The following TEX9 variants were observed in gnomAD, a reference collection of about 807,000 sequenced individuals.
TEX9 encodes the protein testis-expressed protein 9.
In TEX9, 74 loss-of-function variants were observed where a neutral mutation model predicts 59.6. The ratio of observed to expected loss-of-function variants is 1.24; its 90% CI spans 1.03 to 1.51. TEX9 has a LOEUF of 1.51. Ranked by LOEUF, TEX9 falls within the 40% of genes most tolerant of loss-of-function variation. TEX9 has a pLI of 0.00. For synonymous variants in TEX9, 186 were observed against 152.2 expected (o/e 1.22, Z -1.64); for missense variants, 522 against 447.8 (o/e 1.17, Z -1.49).
intron 10 of TEX9, among the ~76,000 whole-genome samples, chr15:56,420,410 C>T (rs1296437151): frequency 4.0e-5 from 6 of 151,424 alleles, no homozygotes; most frequent in African/African-American, 4.9e-5. Context: ...CAGGTTCAAG[C>T]GGTTCTCCTG....
the TEX9 span, among the ~76,000 whole-genome samples, chr15:56,451,082 A>G: frequency 6.6e-6 from 1 of 152,212 alleles, no homozygotes; most frequent in Non-Finnish European, 1.5e-5. Flanking sequence ...GGTTTTTAAA[A>G]TTATTGAATT....
chr15:56,277,045 A>G (rs1383763770), intron 1 of TEX9, among the ~76,000 whole-genome samples: 1 of 151,392 alleles, frequency 6.6e-6, no homozygotes, highest in Non-Finnish European at 1.5e-5. Context: ...TTTGTTTAAG[A>G]TCGTTGTAGA....
At chr15:56,433,706 C>A (rs2050663525) in intron 12 of TEX9, among the ~76,000 whole-genome samples, 1 of 152,126 alleles carries the variant, frequency 6.6e-6, no homozygotes, top group Non-Finnish European at 1.5e-5. Flanking sequence ...TCTTAATATA[C>A]AGCTTTTCAA....
chr15:56,399,927 G>C (rs2142429579), intron 9 of TEX9, among the ~76,000 whole-genome samples: 1 of 152,218 alleles, frequency 6.6e-6, no homozygotes, highest in South Asian at 2.1e-4. Flanking sequence ...CAAACAGAAA[G>C]GAATAGGATC....
At chr15:56,282,199 C>T (rs2044835195) in intron 1 of TEX9, among the ~76,000 whole-genome samples, 1 of 152,088 alleles carries the variant, frequency 6.6e-6, no homozygotes, top group Admixed American at 6.5e-5. Flanking sequence ...AAATATTTTT[C>T]TATTTGTAGA....
At chr15:56,285,489 T>G (rs2044932002) in intron 1 of TEX9, among the ~76,000 whole-genome samples, 1 of 152,184 alleles carries the variant, frequency 6.6e-6, no homozygotes, top group Admixed American at 6.5e-5. Context: ...GGGATTTGAC[T>G]TCTATCTCCA....
intron 12 of TEX9, among the ~76,000 whole-genome samples, chr15:56,437,692 G>T (rs1272347829): frequency 6.6e-6 from 1 of 152,198 alleles, no homozygotes; most frequent in South Asian, 2.1e-4. Flanking sequence ...GTTTGCAGAT[G>T]ACATGATTGT....
intron 1 of TEX9, among the ~76,000 whole-genome samples, chr15:56,305,973 A>G (rs1478538512): frequency 6.6e-6 from 1 of 152,220 alleles, no homozygotes; most frequent in Non-Finnish European, 1.5e-5. Flanking sequence ...GGAAATGTCA[A>G]CAGGCTTTTC....
At chr15:56,365,699 T>G in intron 2 of TEX9, 29 bp downstream of exon 2, 1 of 1,613,604 alleles carries the variant, frequency 6.2e-7, no homozygotes, top group Non-Finnish European at 8.5e-7. Flanking sequence ...GAACTTTTCC[T>G]TCTTTCTTTC....
Position 56,444,433 on chromosome 15 carries a change from G to C in TEX9, c.*30-1238G>C, listed in dbSNP as rs1311771922. The C allele has an allele frequency of 3.8e-6, 6 of 1,593,264 alleles. No homozygotes were observed. The South Asian group carries it at 6.9e-5, about 18-fold the overall frequency. On this transcript the variant is annotated intron_variant, in intron 12 of 12. Coordinates refer to ENST00000352903, the Ensembl canonical transcript of TEX9. ...ACATTTAGACATGTAAGAAAGTTAG[G>C]ATAAACTTACAACTGATCTTCTTCA...
intron 1 of TEX9, among the ~76,000 whole-genome samples, chr15:56,256,684 T>G (rs1405980381): frequency 1.3e-5 from 2 of 152,018 alleles, no homozygotes; most frequent in Admixed American, 1.3e-4. Flanking sequence ...CATTAGAAAT[T>G]AGAAGGGGAT....
chr15:56,370,890 C>T (rs1350493299), intron 2 of TEX9, among the ~76,000 whole-genome samples: 4 of 152,148 alleles, frequency 2.6e-5, no homozygotes, highest in Non-Finnish European at 5.9e-5. Flanking sequence ...GAGCCTTGCT[C>T]TGTTGCCCAG....
intron 1 of TEX9, among the ~76,000 whole-genome samples, chr15:56,332,268 C>T (rs1312467904): frequency 5.3e-5 from 8 of 150,994 alleles, no homozygotes; most frequent in African/African-American, 1.2e-4. Flanking sequence ...GGCACACATA[C>T]ACCATGGAAT....
chr15:56,270,886 A>G (rs1178367058), intron 1 of TEX9, among the ~76,000 whole-genome samples: 1 of 152,138 alleles, frequency 6.6e-6, no homozygotes, highest in Non-Finnish European at 1.5e-5. Context: ...TTTCTCCTTC[A>G]CTTATGAAGC....
chr15:56,384,365 C>T (rs1452272087), intron 4 of TEX9, among the ~76,000 whole-genome samples: 5 of 152,112 alleles, frequency 3.3e-5, no homozygotes, highest in Non-Finnish European at 7.4e-5. Context: ...TGTCATTGGG[C>T]TATGAACAGA....
At chr15:56,394,557 CGT>C (rs1253857152) in intron 8 of TEX9, 102 bp from the exon 9 acceptor site, 1 of 851,938 alleles carries the variant, frequency 1.2e-6, no homozygotes, top group Non-Finnish European at 1.8e-6. Flanking sequence ...TTTCATGAAA[CGT>C]GTATAAATAT....
upstream of TEX9, among the ~76,000 whole-genome samples, chr15:56,360,984 C>T (rs1471572390): frequency 6.6e-6 from 1 of 152,152 alleles, no homozygotes; most frequent in African/African-American, 2.4e-5. Context: ...CCCGAGGCTT[C>T]CCCATGTAAC....
chr15:56,376,370 A>G (rs1217604563), intron 3 of TEX9, among the ~76,000 whole-genome samples: 1 of 152,116 alleles, frequency 6.6e-6, no homozygotes, highest in African/African-American at 2.4e-5. Context: ...ATTCCCACCA[A>G]CAGTGTACTA....
At chr15:56,272,253 T>C (rs2044553027) in intron 1 of TEX9, among the ~76,000 whole-genome samples, 1 of 152,222 alleles carries the variant, frequency 6.6e-6, no homozygotes, top group African/African-American at 2.4e-5. Context: ...AAGAAACTTG[T>C]ACCTGTTGGT....
Sources: allele counts gnomAD v4.1 joint callset (sites outside exome capture counted in the v4.1 genomes callset), GRCh38; gene constraint gnomAD v4.1.1; transcripts MANE v1.5; gene names NCBI Gene and HGNC (gene_info 2026-07-23, HGNC 2026-07-21).